The following CDH13 variants were observed in gnomAD, a reference collection of about 807,000 sequenced individuals.
CDH13 encodes the protein cadherin-13.
Under a neutral mutation model 63.8 loss-of-function variants are expected in CDH13, and 24 were observed. The ratio of observed to expected loss-of-function variants is 0.38; its 90% CI spans 0.27 to 0.53. CDH13 has a LOEUF of 0.53. CDH13 is among the 20% of genes least tolerant of loss of function. The pLI is 0.85. For missense variants in CDH13, 1,049 were observed against 903.1 expected (o/e 1.16, Z -2.07); for synonymous variants, 503 against 355.3 (o/e 1.42, Z -4.67).
At chr16:83,281,665 T>G (rs1431385761) in intron 5 of CDH13, among the ~76,000 whole-genome samples, 1 of 151,858 alleles carries the variant, frequency 6.6e-6, no homozygotes, top group Non-Finnish European at 1.5e-5. Flanking sequence ...TCCCCGCATT[T>G]TGGTAGGCTG....
intron 2 of CDH13, 117 bp from the exon 3 acceptor site, chr16:83,031,893 T>C (rs907276242): frequency 1.0e-5 from 8 of 788,420 alleles, no homozygotes; most frequent in African/African-American, 1.7e-5. Context: ...AACGTAACAT[T>C]TGTGAACTCT....
At chr16:82,831,770 C>T (rs954980043) in intron 1 of CDH13, among the ~76,000 whole-genome samples, 1 of 152,186 alleles carries the variant, frequency 6.6e-6, no homozygotes, top group Non-Finnish European at 1.5e-5. Context: ...AATGGAATTT[C>T]TCACCTTTTG....
At chr16:83,211,568 A>T (rs2039337681) in intron 4 of CDH13, among the ~76,000 whole-genome samples, 1 of 152,220 alleles carries the variant, frequency 6.6e-6, no homozygotes, top group African/African-American at 2.4e-5. Flanking sequence ...GAATAGAGGT[A>T]GGCATGGGAC....
intron 6 of CDH13, among the ~76,000 whole-genome samples, chr16:83,356,566 G>A (rs761874410): frequency 1.3e-5 from 2 of 152,108 alleles, no homozygotes; most frequent in Admixed American, 6.5e-5. Context: ...TTCTGAGAAC[G>A]CAGTCTAGAG....
At chr16:83,143,948 G>C (rs1204921606) in intron 4 of CDH13, among the ~76,000 whole-genome samples, 1 of 152,084 alleles carries the variant, frequency 6.6e-6, no homozygotes. Flanking sequence ...AGTGAGACGA[G>C]ACAGAAGGCT....
chr16:82,832,720 C>G (rs1045910894), intron 1 of CDH13, among the ~76,000 whole-genome samples: 17 of 145,296 alleles, frequency 1.2e-4, no homozygotes, highest in Admixed American at 1.2e-3. Flanking sequence ...TTACAGTAAG[C>G]TTTTGCATCT....
chr16:82,924,398 C>T lies in CDH13; in HGVS notation c.157+65925C>T, dbSNP rs141024081. Among the ~76,000 whole-genome samples, 354 of 152,246 alleles carry T rather than the reference C, an allele frequency of 2.3e-3. 1 individual carries two copies. The highest frequency in any genetic ancestry group is 8.2e-3 in the African/African-American group (341 of 41,544). On this transcript the variant is annotated intron_variant, in intron 2 of 13. Transcript: ENST00000567109. ...AGTTTAGAATTAGGATGAAACCCAT[C>T]TAGTAATACAGTAATGTCAGGAGGA...
At chr16:82,845,187 G>C (rs2039206881) in intron 1 of CDH13, among the ~76,000 whole-genome samples, 1 of 152,094 alleles carries the variant, frequency 6.6e-6, no homozygotes, top group African/African-American at 2.4e-5. Context: ...AGACAGCCAG[G>C]GGCCAGTGCA....
intron 11 of CDH13, among the ~76,000 whole-genome samples, chr16:83,756,939 A>T (rs774695297): frequency 1.1e-4 from 17 of 152,262 alleles, no homozygotes; most frequent in Non-Finnish European, 1.3e-4. Flanking sequence ...TTCATCAACT[A>T]ACATATATAG....
intron 1 of CDH13, among the ~76,000 whole-genome samples, chr16:82,651,778 C>A (rs533990498): frequency 6.6e-6 from 1 of 152,312 alleles, no homozygotes; most frequent in East Asian, 1.9e-4. Context: ...TACAGCAGTG[C>A]CTTCAATAGG....
At chr16:83,633,730 T>G (rs1910988394) in intron 8 of CDH13, among the ~76,000 whole-genome samples, 1 of 152,170 alleles carries the variant, frequency 6.6e-6, no homozygotes, top group Admixed American at 6.5e-5. Flanking sequence ...AAAATCACTA[T>G]TTATTGCCCT....
At position 83,795,221 on chromosome 16, in the gene CDH13, T is replaced by C. The variant is rs1427793001; in HGVS notation, c.*191T>C. The C allele has an allele frequency of 3.7e-6, 2 of 537,802 alleles. No homozygotes were observed. The highest frequency in any genetic ancestry group is 6.6e-6 in the Non-Finnish European group (2 of 302,756). 33.3% of individuals were successfully genotyped at this position (537,802 alleles called of 1,614,324 possible). On this transcript the variant is annotated 3_prime_UTR_variant, in exon 14 of 14. Transcript: ENST00000567109. The stretch of plus-strand genomic sequence containing the variant: ...ATCATTTTGACAGCATCTTCCTCCC[T>C]CCTTTAATTAATGGAATCTTCTGAA...
chr16:83,570,375 G>A (rs184399546), intron 7 of CDH13, among the ~76,000 whole-genome samples: 39 of 152,100 alleles, frequency 2.6e-4, no homozygotes, highest in African/African-American at 7.0e-4. Context: ...CACTTGTCTC[G>A]GATGTGACTC....
chr16:82,661,485 G>A (rs1341494952), intron 1 of CDH13, among the ~76,000 whole-genome samples: 1 of 152,318 alleles, frequency 6.6e-6, no homozygotes, highest in Non-Finnish European at 1.5e-5. Flanking sequence ...CTCATGCCAG[G>A]CAGCCAGCAG....
chr16:82,946,576 C>T (rs1026979989), intron 2 of CDH13, among the ~76,000 whole-genome samples: 1 of 152,048 alleles, frequency 6.6e-6, no homozygotes, highest in Non-Finnish European at 1.5e-5. Context: ...CAAAAATTAG[C>T]CTGGCGTGGT....
chr16:82,651,734 T>C (rs897417008), intron 1 of CDH13, among the ~76,000 whole-genome samples: 1 of 152,248 alleles, frequency 6.6e-6, no homozygotes, highest in Admixed American at 6.5e-5. Context: ...CTTCCCATTC[T>C]ACCCTCCAGG....
chr16:82,840,534 A>C (rs1397475492), intron 1 of CDH13, among the ~76,000 whole-genome samples: 3 of 151,830 alleles, frequency 2.0e-5, no homozygotes, highest in East Asian at 1.9e-4. Context: ...AACACGAAAG[A>C]AACAGCCAGG....
chr16:83,453,833 C>G (rs1429086406), intron 6 of CDH13, among the ~76,000 whole-genome samples: 1 of 152,230 alleles, frequency 6.6e-6, no homozygotes, highest in African/African-American at 2.4e-5. Flanking sequence ...TCAGCCTGCT[C>G]TGTTCAGGGG....
At chr16:83,726,738 T>C (rs988398207) in intron 10 of CDH13, among the ~76,000 whole-genome samples, 8 of 151,906 alleles carry the variant, frequency 5.3e-5, no homozygotes, top group African/African-American at 1.5e-4. Flanking sequence ...CTCGCGAGGC[T>C]GAGGCAGGGG....
Sources: allele counts gnomAD v4.1 joint callset (sites outside exome capture counted in the v4.1 genomes callset), GRCh38; gene constraint gnomAD v4.1.1; transcripts MANE v1.5; gene names NCBI Gene and HGNC (gene_info 2026-07-23, HGNC 2026-07-21).